The following ZNF616 variants were observed in gnomAD, a reference collection of about 807,000 sequenced individuals.
ZNF616 encodes zinc finger protein 616.
A neutral mutation model predicts 7.6 loss-of-function variants in ZNF616; 5 were observed. That is an observed-to-expected ratio of 0.66 (90% confidence interval 0.34 to 1.38). The LOEUF (loss-of-function observed/expected upper bound fraction) is 1.38. ZNF616 is among the 40% of genes most tolerant of loss of function. ZNF616 has a pLI of 0.04. For missense variants in ZNF616, 913 were observed against 948.3 expected, an observed-to-expected ratio of 0.96 and a Z score of 0.49; for synonymous variants, 319 against 317.2, an observed-to-expected ratio of 1.01 and a Z score of -0.06.
intron 3 of ZNF616, among the ~76,000 whole-genome samples, chr19:52,123,282 A>G (rs1428493065): frequency 6.6e-6 from 1 of 152,190 alleles, no homozygotes; most frequent in East Asian, 1.9e-4. Context: ...CTTAAAAAAT[A>G]TAAGCTTTGG....
chr19:52,115,106 C>A lies in ZNF616; in HGVS notation c.2058G>T (p.Lys686Asn). ...CACATTCATCACATTTATATGGTTT[C>A]TTTCCTGCATGAATTATCTGATGTG... Reference protein sequence around the residue: ...LTAHQIIHAGKKPYKCDECGK... With the variant: ...LTAHQIIHAGNKPYKCDECGK... The change falls in exon 4 of 4, where the codon AAG becomes AAT. Residue 686 changes from lysine to asparagine, a missense_variant. Lys to Asn is a moderately conservative substitution (Grantham distance 94, BLOSUM62 0). Transcript: ENST00000600228. The A allele has an allele frequency of 6.2e-7, 1 of 1,614,154 alleles. No homozygotes were observed. Among genetic ancestry groups the A allele is most frequent in the Non-Finnish European group, 8.5e-7 (1 of 1,180,020 alleles).
chr19:52,132,589 G>T (rs2088969910), intron 1 of ZNF616, among the ~76,000 whole-genome samples: 1 of 151,422 alleles, frequency 6.6e-6, no homozygotes, highest in African/African-American at 2.4e-5. Context: ...ACGACATCTG[G>T]TTGTTTAGAA....
intron 1 of ZNF616, among the ~76,000 whole-genome samples, 156 bp from the exon 2 acceptor site, chr19:52,130,744 G>C (rs2088951399): frequency 6.6e-6 from 1 of 152,226 alleles, no homozygotes; most frequent in Admixed American, 6.5e-5. Context: ...AAGACCAAGT[G>C]AATCTTTCAC....
chr19:52,122,076 T>C (rs548196484), intron 3 of ZNF616, among the ~76,000 whole-genome samples: 1 of 151,448 alleles, frequency 6.6e-6, no homozygotes, highest in African/African-American at 2.4e-5. Flanking sequence ...AGGAGAATAA[T>C]TATTATAATA....
Position 52,139,862 on chromosome 19 carries a change from G to T in ZNF616, c.-207C>A, listed in dbSNP as rs924913950. 1 of 152,290 alleles carries T rather than the reference G, an allele frequency of 6.6e-6. No homozygotes were observed. Among genetic ancestry groups the T allele is most frequent in the Non-Finnish European group, 1.5e-5 (1 of 68,098 alleles). The allele number at this position is 152,290 out of a possible 1,614,324, so 9.4% of individuals were successfully genotyped here. ...GTTTAATCCAGGCAGACGGAGCGAA[G>T]TAATGTTTAATCCACGTAGACTGAA... On this transcript the variant is annotated 5_prime_UTR_variant, in exon 1 of 4. Coordinates refer to ENST00000600228, the MANE Select transcript of ZNF616 (RefSeq NM_178523.5). This position sits in a 1 kb window ranked among gnomAD's most constrained non-coding sequence, Gnocchi z 4.1.
At chr19:52,134,027 C>T (rs77921246) in intron 1 of ZNF616, among the ~76,000 whole-genome samples, 1,908 of 152,220 alleles carry the variant, frequency 0.013, 29 homozygotes, top group East Asian at 0.079. Context: ...CCTCCAGCTC[C>T]ACCCATGTCC....
chr19:52,126,923 C>T (rs906215053), intron 2 of ZNF616, among the ~76,000 whole-genome samples: 2 of 151,928 alleles, frequency 1.3e-5, no homozygotes, highest in African/African-American at 2.4e-5. Flanking sequence ...CATAAGCAAA[C>T]AAGCTTTAAT....
Position 52,114,054 on chromosome 19 carries a change from G to T in ZNF616, c.*764C>A, listed in dbSNP as rs368442208. 5 of 152,176 alleles carry T rather than the reference G, an allele frequency of 3.3e-5. No individual in the cohort carries two copies. The South Asian group carries it at 1.0e-3, about 32-fold the overall frequency. 9.4% of individuals were successfully genotyped at this position (152,176 alleles called of 1,614,324 possible). On this transcript the variant is annotated 3_prime_UTR_variant, in exon 4 of 4. Transcript: ENST00000600228. ...ATGCCTAGTGAGTTCCAATGCCTGG[G>T]GAAAGCCTCTGACACATACATTTAT...
chr19:52,132,609 G>A lies in ZNF616; in HGVS notation c.-76-2021C>T, dbSNP rs2093140234. Among the ~76,000 whole-genome samples the A allele has an allele frequency of 2.0e-5, 3 of 149,504 alleles. No homozygotes were observed. The South Asian group carries it at 7.1e-4, about 35-fold the overall frequency. ...ATCTGGTTGTTTAGAAGTGTGTAGC[G>A]CCTCCCCCCTCACTCTCTCTTGCTC... is the stretch of plus-strand genomic sequence containing the variant. On this transcript the variant is annotated intron_variant, in intron 1 of 3. Coordinates refer to ENST00000600228, the MANE Select transcript of ZNF616 (RefSeq NM_178523.5).
At chr19:52,121,758 T>C (rs558907375) in intron 3 of ZNF616, among the ~76,000 whole-genome samples, 6 of 152,264 alleles carry the variant, frequency 3.9e-5, no homozygotes, top group South Asian at 4.2e-4. Flanking sequence ...TAGCCATATA[T>C]AGAAGAATGA....
At chr19:52,122,618 G>A (rs1282058386) in intron 3 of ZNF616, among the ~76,000 whole-genome samples, 3 of 151,438 alleles carry the variant, frequency 2.0e-5, no homozygotes, top group South Asian at 2.1e-4. Context: ...GAGAAGAACT[G>A]TAATCAATTC....
intron 2 of ZNF616, among the ~76,000 whole-genome samples, chr19:52,129,564 C>T (rs1351017074): frequency 1.3e-5 from 2 of 152,116 alleles, no homozygotes; most frequent in Non-Finnish European, 2.9e-5. Context: ...ACACCGCAGT[C>T]TCTGTGAGAT....
rs968805826 is a variant in ZNF616 at position 52,114,292 on chromosome 19, T to C, written c.*526A>G. The C allele has an allele frequency of 4.6e-5, 7 of 152,518 alleles. No homozygotes were observed. The highest frequency in any genetic ancestry group is 1.0e-4 in the Non-Finnish European group (7 of 68,356). The allele number at this position is 152,518 out of a possible 1,614,324, so 9.4% of individuals were successfully genotyped here. A position where few individuals can be genotyped will look rare whatever the true frequency, so the allele number is the denominator to read the frequency against. Reference sequence around the variant, plus strand: ...ATCCTGGAATATATATACAAATTCTTACACCTAGTGAGTAGTGAATACTAG... The same window carrying C: ...ATCCTGGAATATATATACAAATTCTCACACCTAGTGAGTAGTGAATACTAG... On this transcript the variant is annotated 3_prime_UTR_variant, in exon 4 of 4. Coordinates refer to ENST00000600228, the MANE Select transcript of ZNF616 (RefSeq NM_178523.5).
At position 52,115,433 on chromosome 19, in the gene ZNF616, G is replaced by A; in HGVS notation, c.1731C>T (p.Tyr577=). 6.2e-7 allele frequency: 1 copy of A among 1,614,034 alleles called. No individual in the cohort carries two copies. Among genetic ancestry groups the A allele is most frequent in the South Asian group, 1.1e-5 (1 of 91,086 alleles). Residue 577 remains tyrosine, a synonymous_variant, in exon 4 of 4, where the codon TAC becomes TAT. Transcript: ENST00000600228. ...HRRIHSGEKP[Y]KCNECGKVYS... is the part of the protein sequence containing the mutation. ...AGACCTTGCCGCATTCATTGCATTT[G>A]TAAGGTTTCTCTCCACTATGAATTC...
In ZNF616 at chr19:52,122,780, G is replaced by A. The variant is rs1020920334; in HGVS notation, c.139+1143C>T. On this transcript the variant is annotated intron_variant, in intron 3 of 3. Coordinates refer to ENST00000600228, the MANE Select transcript of ZNF616 (RefSeq NM_178523.5). ...CTCCTGAGTAGCTGGGACTACAGGC[G>A]CCCACCGCCACACCCTGCTAATTTT... 6.6e-5 allele frequency among the ~76,000 whole-genome samples: 10 copies of A among 151,476 alleles called. 1 individual carries two copies. The highest frequency in any genetic ancestry group is 1.3e-4 in the Admixed American group (2 of 15,206).
intron 1 of ZNF616, among the ~76,000 whole-genome samples, chr19:52,133,805 G>A (rs948219193): frequency 6.6e-6 from 1 of 152,006 alleles, no homozygotes; most frequent in Non-Finnish European, 1.5e-5. Flanking sequence ...GAGCCACCAC[G>A]TCTGGCCCCA....
Position 52,115,350 on chromosome 19 carries a change from T to C in ZNF616, c.1814A>G (p.Tyr605Cys). Residue 605 changes from tyrosine to cysteine, a missense_variant, in exon 4 of 4, where the codon TAC becomes TGC. Coordinates refer to ENST00000600228, the MANE Select transcript of ZNF616 (RefSeq NM_178523.5). Reference protein sequence around the residue: ...HRRVHTGEKPYKCHECGKAFN... With the variant: ...HRRVHTGEKPCKCHECGKAFN... ...GGCTTTGCCACATTCATGACATTTG[T>C]ATGGTTTCTCTCCAGTATGAACTCT... is the stretch of plus-strand genomic sequence containing the variant. The C allele has an allele frequency of 6.2e-7, 1 of 1,614,136 alleles. No individual in the cohort carries two copies. Among genetic ancestry groups the C allele is most frequent in the Non-Finnish European group, 8.5e-7 (1 of 1,180,022 alleles).
At chr19:52,134,046 C>A (rs559596935) in intron 1 of ZNF616, among the ~76,000 whole-genome samples, 3 of 152,204 alleles carry the variant, frequency 2.0e-5, no homozygotes, top group African/African-American at 7.2e-5. Context: ...CCTGGCCAAG[C>A]GCATTATTTT....
Position 52,137,053 on chromosome 19 carries a change from GTATATATA to G in ZNF616, c.-77+2671_-77+2678del, listed in dbSNP as rs35226169. The stretch of plus-strand genomic sequence containing the variant: ...TGTGTGTATATATATTTATGTATGT[GTATATATA>G]TATATATATATATACAGAGTGTGTG... On this transcript the variant is annotated intron_variant, in intron 1 of 3. Transcript: ENST00000600228. 2.9e-3 allele frequency among the ~76,000 whole-genome samples: 417 copies of G among 143,738 alleles called. 6 individuals carry two copies. Among genetic ancestry groups the G allele is most frequent in the African/African-American group, 0.01 (405 of 38,686 alleles). 94.3% of individuals were successfully genotyped at this position (143,738 alleles called of 152,430 possible). A position where few individuals can be genotyped will look rare whatever the true frequency, so the allele number is the denominator to read the frequency against.
Sources: gnomAD v4.1 joint callset for allele counts (sites outside exome capture counted in the v4.1 genomes callset) on GRCh38, gnomAD v4.1.1 for gene constraint, Gnocchi (gnomAD v3.1) non-coding constraint, MANE v1.5 for transcripts, NCBI Gene and HGNC (gene_info 2026-07-23, HGNC 2026-07-21) for gene names.